FBXW8: variants seen among roughly 807,000 people sequenced by gnomAD.
The protein encoded by FBXW8 is F-box/WD repeat-containing protein 8.
FBXW8 carries 57 observed loss-of-function variants against 65.3 expected under a neutral mutation model. That is an observed-to-expected ratio of 0.87 (90% CI 0.71 to 1.09). The LOEUF (loss-of-function observed/expected upper bound fraction) is 1.09, where lower values mean the gene tolerates loss of function less well. FBXW8 is among the 50% of genes least tolerant of loss of function. The probability of loss-of-function intolerance (pLI) is 0.00; values close to 1 mark genes in which losing one functional copy is unlikely to be tolerated. For synonymous variants in FBXW8, 308 were observed against 330.2 expected, an observed-to-expected ratio of 0.93 and a Z score of 0.73; for missense variants, 777 against 814.8, an observed-to-expected ratio of 0.95 and a Z score of 0.57.
At chr12:116,947,490 G>A (rs190810421) in intron 3 of FBXW8, among the ~76,000 whole-genome samples, 59 of 152,268 alleles carry the variant, frequency 3.9e-4, no homozygotes, top group African/African-American at 1.2e-3. Context: ...GGTCACTCCT[G>A]TAATCCCAGC....
chr12:116,926,246 A>T (rs994099280), intron 1 of FBXW8, among the ~76,000 whole-genome samples: 37 of 152,236 alleles, frequency 2.4e-4, no homozygotes, highest in African/African-American at 8.2e-4. Flanking sequence ...GAAAGGCTAG[A>T]TGAGACTTCA....
intron 5 of FBXW8, chr12:116,978,434 TC>T (rs1267940759): frequency 6.6e-6 from 1 of 152,232 alleles, no homozygotes; most frequent in Non-Finnish European, 1.5e-5. Context: ...AAATGCCTTT[TC>T]CTTTGTTGCA....
chr12:116,928,500 T>G (rs78324015), intron 2 of FBXW8, among the ~76,000 whole-genome samples: 10,639 of 152,242 alleles, frequency 0.07, 977 homozygotes, highest in African/African-American at 0.21. Context: ...TGTTATTAGG[T>G]TGGTAGCTGA....
At position 117,019,788 on chromosome 12, in the gene FBXW8, G is replaced by A. The variant is rs988480971; in HGVS notation, c.1368-4359G>A. 2.0e-4 allele frequency among the ~76,000 whole-genome samples: 31 copies of A among 152,212 alleles called. 2 individuals are homozygous for A. The highest frequency in any genetic ancestry group is 1.2e-3 in the East Asian group (6 of 5,174). On this transcript the variant is annotated intron_variant, in intron 8 of 10. Transcript: ENST00000652555. The stretch of plus-strand genomic sequence containing the variant: ...ATTCTTGTTTTTTAAACATGGCAGC[G>A]TCCAGAATAAAACACAAAAGCCGCC...
At chr12:116,969,772 G>GTCA (rs1287073806) in intron 5 of FBXW8, among the ~76,000 whole-genome samples, 1 of 152,148 alleles carries the variant, frequency 6.6e-6, no homozygotes, top group South Asian at 2.1e-4. Flanking sequence ...GGGAAAGGGA[G>GTCA]TCATCCCTGC....
At chr12:116,945,107 CTTAT>C (rs1882844357) in intron 2 of FBXW8, among the ~76,000 whole-genome samples, 1 of 152,244 alleles carries the variant, frequency 6.6e-6, no homozygotes, top group African/African-American at 2.4e-5. Context: ...ATTTTCTTCT[CTTAT>C]TTGTTAGATT....
chr12:116,914,408 C>T (rs1037012942), intron 1 of FBXW8, among the ~76,000 whole-genome samples: 1 of 149,160 alleles, frequency 6.7e-6, no homozygotes, highest in South Asian at 2.1e-4. Context: ...CGTAGAGAAA[C>T]CCCATCTCTA....
Position 117,028,211 on chromosome 12 carries a change from G to A in FBXW8, c.*39G>A. 1.2e-6 allele frequency: 2 copies of A among 1,609,116 alleles called. No homozygotes were observed. The highest frequency in any genetic ancestry group is 1.3e-5 in the African/African-American group (1 of 74,984). On this transcript the variant is annotated 3_prime_UTR_variant, in exon 11 of 11. Coordinates refer to ENST00000652555, the MANE Select transcript of FBXW8 (RefSeq NM_153348.3). This position sits in a 1 kb window ranked among gnomAD's most constrained non-coding sequence, Gnocchi z 4.1. ...TTGGGAGCAAGGAGAAAAATGGGAA[G>A]AACCAGTTTTATCCATCTTAAAACG...
chr12:116,988,910 T>C, intron 7 of FBXW8, 41 bp downstream of exon 7: 2 of 1,535,046 alleles, frequency 1.3e-6, no homozygotes, highest in East Asian at 2.3e-5. Flanking sequence ...AAAAAGAATA[T>C]AGATTTATTT....
intron 5 of FBXW8, among the ~76,000 whole-genome samples, chr12:116,984,826 C>T (rs891571444): frequency 4.6e-5 from 7 of 152,092 alleles, no homozygotes; most frequent in Non-Finnish European, 8.8e-5. Context: ...GACTGTGTCT[C>T]AGCTAAATTA....
intron 5 of FBXW8, among the ~76,000 whole-genome samples, chr12:116,972,815 T>C (rs1328435051): frequency 6.6e-6 from 1 of 152,188 alleles, no homozygotes; most frequent in Non-Finnish European, 1.5e-5. Flanking sequence ...GTATGTCGTA[T>C]GTATATATGT....
chr12:116,922,900 C>T (rs1172111950), intron 1 of FBXW8, among the ~76,000 whole-genome samples: 1 of 151,854 alleles, frequency 6.6e-6, no homozygotes, highest in Non-Finnish European at 1.5e-5. Flanking sequence ...TTTTAGTGTG[C>T]ATGAGGATCG....
chr12:116,952,170 G>A (rs117659122), intron 4 of FBXW8, among the ~76,000 whole-genome samples: 2 of 152,154 alleles, frequency 1.3e-5, no homozygotes, highest in South Asian at 2.1e-4. Context: ...GCATAACAGC[G>A]TTTTAGTCAA....
chr12:116,991,202 C>A (rs1953231996), intron 7 of FBXW8, among the ~76,000 whole-genome samples: 1 of 152,166 alleles, frequency 6.6e-6, no homozygotes, highest in East Asian at 1.9e-4. Context: ...TTGGTAATAA[C>A]TTTGTGTTGA....
chr12:116,912,438 A>G (rs1162623537), intron 1 of FBXW8, among the ~76,000 whole-genome samples: 3 of 146,238 alleles, frequency 2.1e-5, no homozygotes, highest in East Asian at 2.0e-4. Flanking sequence ...GATCCTCCCA[A>G]TTGAGAATCA....
chr12:116,934,684 TGTGTACCCTTCC>T (rs1882034441), intron 2 of FBXW8, among the ~76,000 whole-genome samples: 1 of 152,222 alleles, frequency 6.6e-6, no homozygotes, highest in Non-Finnish European at 1.5e-5. Context: ...AGAGAGTTCC[TGTGTACCCTTCC>T]CCCAGTTTCC....
chr12:116,965,161 G>A (rs1234763836), intron 5 of FBXW8, among the ~76,000 whole-genome samples: 3 of 152,224 alleles, frequency 2.0e-5, no homozygotes, highest in Non-Finnish European at 4.4e-5. Flanking sequence ...CTTGTTTGAT[G>A]TAAAATATTA....
chr12:117,019,389 A>C (rs905777381), intron 8 of FBXW8, among the ~76,000 whole-genome samples: 1 of 152,132 alleles, frequency 6.6e-6, no homozygotes, highest in Non-Finnish European at 1.5e-5. Context: ...TATGTTCTCT[A>C]TACAGAGAAC....
intron 5 of FBXW8, among the ~76,000 whole-genome samples, chr12:116,982,436 C>A (rs1885369650): frequency 6.6e-6 from 1 of 152,156 alleles, no homozygotes; most frequent in Admixed American, 6.5e-5. Context: ...AGAGGACATA[C>A]AATCCTAAAT....
Sources: gnomAD v4.1 joint callset for allele counts (sites outside exome capture counted in the v4.1 genomes callset) on GRCh38, gnomAD v4.1.1 for gene constraint, Gnocchi (gnomAD v3.1) non-coding constraint, MANE v1.5 for transcripts, NCBI Gene and HGNC (gene_info 2026-07-23, HGNC 2026-07-21) for gene names.